The following PUM1 variants were observed in gnomAD, a reference collection of about 807,000 sequenced individuals.
The protein encoded by PUM1 is pumilio RNA binding family member 1.
A neutral mutation model predicts 131.8 loss-of-function variants in PUM1; 13 were observed. That is an observed-to-expected ratio of 0.10 (90% CI 0.06 to 0.16). The LOEUF is 0.16. Ranked by LOEUF, PUM1 falls within the 10% of genes least tolerant of loss-of-function variation. The probability of loss-of-function intolerance (pLI) is 1.00; values close to 1 mark genes in which losing one functional copy is unlikely to be tolerated. For missense variants in PUM1, 961 were observed against 1,512.4 expected (o/e 0.64, Z 6.05); for synonymous variants, 509 against 556.5 (o/e 0.91, Z 1.20).
rs546632583 is a variant in PUM1, at chr1:30,938,896, T to C, written c.3243-2061A>G. Among the ~76,000 whole-genome samples, 760 of 110,276 alleles carry C rather than the reference T, an allele frequency of 6.9e-3. 4 individuals carry two copies. Among genetic ancestry groups the C allele is most frequent in the East Asian group, 0.036 (158 of 4,430 alleles). The allele number at this position is 110,276 out of a possible 152,430, so 72.3% of individuals were successfully genotyped here. On this transcript the variant is annotated intron_variant, in intron 20 of 21. Coordinates refer to ENST00000426105, the MANE Select transcript of PUM1 (RefSeq NM_001020658.2). ...AGATAGAGATAGATAGATAGATAGA[T>C]AGATAGATAGACAGACAGACAGACA...
intron 3 of PUM1, among the ~76,000 whole-genome samples, chr1:31,008,341 G>A (rs1642469951): frequency 6.6e-6 from 1 of 151,842 alleles, no homozygotes; most frequent in African/African-American, 2.4e-5. Flanking sequence ...AAAGCAGTTT[G>A]CCATACATTT....
At chr1:30,975,869 G>A (rs921585551) in intron 9 of PUM1, among the ~76,000 whole-genome samples, 1 of 151,946 alleles carries the variant, frequency 6.6e-6, no homozygotes, top group Non-Finnish European at 1.5e-5. Flanking sequence ...ATCACTTTGA[G>A]GTCAGGAGTT....
intron 5 of PUM1, among the ~76,000 whole-genome samples, 200 bp from the exon 6 acceptor site, chr1:30,995,420 A>G (rs1641946372): frequency 6.6e-6 from 1 of 152,188 alleles, no homozygotes; most frequent in Non-Finnish European, 1.5e-5. Context: ...ACAGACATAC[A>G]TTTATGTTAC....
intron 3 of PUM1, among the ~76,000 whole-genome samples, chr1:31,027,547 T>TCTC (rs1643272437): frequency 6.6e-6 from 1 of 152,192 alleles, no homozygotes; most frequent in Non-Finnish European, 1.5e-5. Flanking sequence ...CTCCCAATCA[T>TCTC]CTCCTAAAGC....
At chr1:31,055,212 T>G (rs1644210030) in intron 2 of PUM1, 1 of 383,318 alleles carries the variant, frequency 2.6e-6, no homozygotes, top group Non-Finnish European at 5.2e-6. Context: ...CCTTTGCTCT[T>G]CAATTATGCT....
At chr1:31,000,231 G>A (rs905504383) in intron 5 of PUM1, among the ~76,000 whole-genome samples, 1 of 152,206 alleles carries the variant, frequency 6.6e-6, no homozygotes, top group Non-Finnish European at 1.5e-5. Context: ...ATACAGTACT[G>A]GAAAAGTCTA....
intron 5 of PUM1, among the ~76,000 whole-genome samples, chr1:31,001,798 CT>C (rs1210690227): frequency 6.6e-6 from 1 of 152,158 alleles, no homozygotes; most frequent in African/African-American, 2.4e-5. Flanking sequence ...GTTTTTTCCC[CT>C]AGGAAACTTT....
intron 5 of PUM1, among the ~76,000 whole-genome samples, chr1:31,001,401 A>G (rs1274872153): frequency 1.3e-5 from 2 of 152,090 alleles, no homozygotes; most frequent in South Asian, 2.1e-4. Context: ...ATTAAAAATT[A>G]TAAGTTTGAA....
At chr1:31,013,300 A>C (rs1642689654) in intron 3 of PUM1, among the ~76,000 whole-genome samples, 1 of 152,214 alleles carries the variant, frequency 6.6e-6, no homozygotes, top group Admixed American at 6.5e-5. Context: ...ATAGGGATTT[A>C]TCAATGAGGT....
rs1239360072 is a variant in PUM1, at chr1:30,964,654, G to A, written c.2323+20C>T. 15 of 1,575,634 alleles carry A rather than the reference G, an allele frequency of 9.5e-6. No homozygotes were observed. Among genetic ancestry groups the A allele is most frequent in the Non-Finnish European group, 1.3e-5 (15 of 1,145,210 alleles). On this transcript the variant is annotated intron_variant, in intron 14 of 21. Transcript: ENST00000426105. ...AGAGAGTTCTAGAGTTCAAGGTGGTGTTAGAGTAATGGTTCTTACCCAGGT... is the reference window on the plus strand; with the variant it reads ...AGAGAGTTCTAGAGTTCAAGGTGGTATTAGAGTAATGGTTCTTACCCAGGT...
Position 30,978,484 on chromosome 1 carries a change from C to G in PUM1, c.1354+1578G>C, listed in dbSNP as rs144793261. 6.3e-3 allele frequency among the ~76,000 whole-genome samples: 956 copies of G among 152,340 alleles called. 8 individuals are homozygous for G. The highest frequency in any genetic ancestry group is 0.021 in the African/African-American group (888 of 41,576). On this transcript the variant is annotated intron_variant, in intron 9 of 21. Coordinates refer to ENST00000426105, the MANE Select transcript of PUM1 (RefSeq NM_001020658.2). ...AGCCAGATGACCCTATGTTAACTAT[C>G]TTCCCATCATAACCATGCCAAAATG... is the stretch of plus-strand genomic sequence containing the variant.
intron 2 of PUM1, chr1:31,055,267 T>A: frequency 2.2e-6 from 1 of 450,002 alleles, no homozygotes; most frequent in South Asian, 1.6e-5. Flanking sequence ...CCTGTTGCCA[T>A]GTGTTTCCCA....
intron 10 of PUM1, among the ~76,000 whole-genome samples, chr1:30,969,316 C>CAAAAAAAA (rs763999971): frequency 1.6e-4 from 8 of 51,128 alleles, no homozygotes; most frequent in African/African-American, 3.7e-4. Flanking sequence ...AACACACACA[C>CAAAAAAAA]AAAAAAAAAA....
Position 30,995,633 on chromosome 1 carries a change from G to GA in PUM1, c.721-414dup, listed in dbSNP as rs529839956. 4.2e-4 allele frequency among the ~76,000 whole-genome samples: 63 copies of GA among 149,110 alleles called. 1 individual carries two copies. The East Asian group carries it at 5.7e-3, about 13-fold the overall frequency. On this transcript the variant is annotated intron_variant, in intron 5 of 21. Coordinates refer to ENST00000426105, the MANE Select transcript of PUM1 (RefSeq NM_001020658.2). ...CCCAGGTATGACAGCTAATAGCATA[G>GA]AAAAAAAAAATTATTAAGCCTGTAA...
chr1:30,974,595 A>C, intron 10 of PUM1, 56 bp downstream of exon 10: 1 of 1,486,456 alleles, frequency 6.7e-7, no homozygotes, highest in South Asian at 1.3e-5. Flanking sequence ...TTACCTATTA[A>C]TTATCCACAA....
chr1:30,993,253 G>C (rs2124487247), intron 6 of PUM1, among the ~76,000 whole-genome samples: 1 of 151,378 alleles, frequency 6.6e-6, no homozygotes, highest in East Asian at 1.9e-4. Flanking sequence ...TCATTATCTA[G>C]GATATGCCCC....
chr1:31,023,292 G>A (rs974163490), intron 3 of PUM1, among the ~76,000 whole-genome samples: 2 of 152,040 alleles, frequency 1.3e-5, no homozygotes, highest in Non-Finnish European at 2.9e-5. Context: ...CAGCAAGAAA[G>A]TCTATATGAT....
chr1:30,970,652 A>G (rs1451990041), intron 10 of PUM1, among the ~76,000 whole-genome samples: 6 of 152,166 alleles, frequency 3.9e-5, no homozygotes, highest in Non-Finnish European at 7.4e-5. Context: ...CATACCCAAT[A>G]ACTCAAAAGA....
In PUM1 at chr1:31,038,974, A is replaced by T. The variant is rs1280491226; in HGVS notation, c.364-10110T>A. Among the ~76,000 whole-genome samples, 64 of 30,692 alleles carry T rather than the reference A, an allele frequency of 2.1e-3. 2 individuals are homozygous for T. The highest frequency in any genetic ancestry group is 0.016 in the African/African-American group (58 of 3,680). The allele number at this position is 30,692 out of a possible 152,430, so 20.1% of individuals were successfully genotyped here. Reference sequence around the variant, plus strand: ...TTTAAAATTTTATATATATATATATATATATATATATTTTTTTTTTTTTTT... The same window carrying T: ...TTTAAAATTTTATATATATATATATTTATATATATATTTTTTTTTTTTTTT... On this transcript the variant is annotated intron_variant, in intron 2 of 21. Transcript: ENST00000426105.
Sources: gnomAD v4.1 joint callset for allele counts (sites outside exome capture counted in the v4.1 genomes callset) on GRCh38, gnomAD v4.1.1 for gene constraint, MANE v1.5 for transcripts, NCBI Gene and HGNC (gene_info 2026-07-23, HGNC 2026-07-21) for gene names.